GID8: variants seen among roughly 807,000 people sequenced by gnomAD.
The protein encoded by GID8 is glucose-induced degradation protein 8 homolog.
In GID8, 6 loss-of-function variants were observed where a neutral mutation model predicts 27.4. The ratio of observed to expected loss-of-function variants is 0.22; its 90% CI spans 0.12 to 0.43. GID8 has a LOEUF of 0.43. Ranked by LOEUF, GID8 falls within the 20% of genes least tolerant of loss-of-function variation. The probability of loss-of-function intolerance (pLI) is 1.00; values close to 1 mark genes in which losing one functional copy is unlikely to be tolerated. For synonymous variants in GID8, 112 were observed against 109.0 expected, an observed-to-expected ratio of 1.03 and a Z score of -0.17; for missense variants, 173 against 287.6, an observed-to-expected ratio of 0.60 and a Z score of 2.88.
rs1236106687 is a variant in GID8, at chr20:62,945,525, A to T, written c.*613A>T. ...GGGCTATGTGTTTTTTAATTTTTTA[A>T]ATATATATTTTGGTGCTGTGTGTGG... On this transcript the variant is annotated 3_prime_UTR_variant, in exon 5 of 5. Coordinates refer to ENST00000266069, the MANE Select transcript of GID8 (RefSeq NM_017896.3). 9.6e-7 allele frequency: 1 copy of T among 1,041,584 alleles called. No homozygotes were observed. Among genetic ancestry groups the T allele is most frequent in the Non-Finnish European group, 1.2e-6 (1 of 862,564 alleles). The allele number at this position is 1,041,584 out of a possible 1,614,324, so 64.5% of individuals were successfully genotyped here. A position where few individuals can be genotyped will look rare whatever the true frequency, so the allele number is the denominator to read the frequency against.
Position 62,945,933 on chromosome 20 carries a change from G to C in GID8, c.*1021G>C. On this transcript the variant is annotated 3_prime_UTR_variant, in exon 5 of 5. Coordinates refer to ENST00000266069, the MANE Select transcript of GID8 (RefSeq NM_017896.3). ...TCCTCCATCGTCAGCTGGCTCTGCC[G>C]ATGTCCTGCTTCTGTTCACTCACAG... 2 of 1,289,442 alleles carry C rather than the reference G, an allele frequency of 1.6e-6. No individual in the cohort carries two copies. Among genetic ancestry groups the C allele is most frequent in the Non-Finnish European group, 2.0e-6 (2 of 988,848 alleles). 79.9% of individuals were successfully genotyped at this position (1,289,442 alleles called of 1,614,324 possible). A position where few individuals can be genotyped will look rare whatever the true frequency, so the allele number is the denominator to read the frequency against.
rs964071520 is a variant in GID8 at position 62,944,641 on chromosome 20, G to T, written c.514-98G>T. On this transcript the variant is annotated intron_variant, in intron 4 of 4. Transcript: ENST00000266069. ...TTTCATGTCCTGAGAGTGTCTCGCA[G>T]TTAAGAGCTTAATGTTTGTTTAAAC... is the stretch of plus-strand genomic sequence containing the variant. The T allele has an allele frequency of 1.1e-5, 9 of 834,338 alleles. No homozygotes were observed. The African/African-American group carries it at 1.2e-4, about 11-fold the overall frequency. 51.7% of individuals were successfully genotyped at this position (834,338 alleles called of 1,614,324 possible).
chr20:62,945,028 T>G lies in GID8; in HGVS notation c.*116T>G. On this transcript the variant is annotated 3_prime_UTR_variant, in exon 5 of 5. Transcript: ENST00000266069. ...AGAGAACTCTTTTTCTCCCTTGTACTTTTTTTTGACCTGGCATCTTTTTAT... is the reference window on the plus strand; with the variant it reads ...AGAGAACTCTTTTTCTCCCTTGTACGTTTTTTTGACCTGGCATCTTTTTAT... 1.4e-6 allele frequency: 2 copies of G among 1,388,266 alleles called. No homozygotes were observed. 86.0% of individuals were successfully genotyped at this position (1,388,266 alleles called of 1,614,324 possible). A position where few individuals can be genotyped will look rare whatever the true frequency, so the allele number is the denominator to read the frequency against.
rs1198175968 is a variant in GID8 at position 62,947,060 on chromosome 20, T to A, written c.*2148T>A. 1.3e-5 allele frequency: 2 copies of A among 152,244 alleles called. No individual in the cohort carries two copies. Among genetic ancestry groups the A allele is most frequent in the African/African-American group, 4.8e-5 (2 of 41,466 alleles). The allele number at this position is 152,244 out of a possible 1,614,324, so 9.4% of individuals were successfully genotyped here. A position where few individuals can be genotyped will look rare whatever the true frequency, so the allele number is the denominator to read the frequency against. On this transcript the variant is annotated 3_prime_UTR_variant, in exon 5 of 5. Coordinates refer to ENST00000266069, the MANE Select transcript of GID8 (RefSeq NM_017896.3). The stretch of plus-strand genomic sequence containing the variant: ...ACTATGTGGCTGTCACGTGAAGTGC[T>A]GGTGTTGATTTCCATTTCAGCCAGT...
rs1473994899 is a variant in GID8 at position 62,941,565 on chromosome 20, C to T, written c.63C>T (p.Asn21=). The T allele has an allele frequency of 1.4e-5, 22 of 1,613,192 alleles. No homozygotes were observed. The Admixed American group carries it at 3.7e-4, about 27-fold the overall frequency. ...TKDEWMEKLN[N]LHVQRADMNR... is the part of the protein sequence containing the mutation. ...ATGAGTGGATGGAAAAGCTCAATAACTTGCATGTCCAGAGAGCAGACATGA... is the reference window on the plus strand; with the variant it reads ...ATGAGTGGATGGAAAAGCTCAATAATTTGCATGTCCAGAGAGCAGACATGA... The change falls in exon 2 of 5, where the codon AAC becomes AAT. Residue 21 remains asparagine, a synonymous_variant. Transcript: ENST00000266069.
Position 62,944,801 on chromosome 20 carries a change from G to A in GID8, c.576G>A (p.Leu192=), listed in dbSNP as rs759538073. The A allele has an allele frequency of 5.0e-6, 8 of 1,614,172 alleles. No individual in the cohort carries two copies. The South Asian group carries it at 8.8e-5, about 18-fold the overall frequency. ...AAAATCGCGAGTCAACACCCAAACT[G>A]GCAAAATTACTGAAACTACTACTTT... ...DYENRESTPK[L]AKLLKLLLWA... Residue 192 remains leucine, a synonymous_variant, in exon 5 of 5, where the codon CTG becomes CTA. Coordinates refer to ENST00000266069, the MANE Select transcript of GID8 (RefSeq NM_017896.3).
At chr20:62,938,749 G>A (rs2065420581) in intron 1 of GID8, 1 of 152,202 alleles carries the variant, frequency 6.6e-6, no homozygotes, top group African/African-American at 2.4e-5. Context: ...CAAAGTTGTT[G>A]CTTTTCATGG....
chr20:62,938,590 T>G (rs1393382868), intron 1 of GID8: 1 of 152,198 alleles, frequency 6.6e-6, no homozygotes, highest in East Asian at 1.9e-4. Context: ...AATCTGCTGC[T>G]TTAAAGCAGA....
rs921403809 is a variant in GID8, at chr20:62,945,909, C to A, written c.*997C>A. The A allele has an allele frequency of 7.8e-7, 1 of 1,289,506 alleles. No individual in the cohort carries two copies. The highest frequency in any genetic ancestry group is 1.0e-6 in the Non-Finnish European group (1 of 988,832). The allele number at this position is 1,289,506 out of a possible 1,614,324, so 79.9% of individuals were successfully genotyped here. A position where few individuals can be genotyped will look rare whatever the true frequency, so the allele number is the denominator to read the frequency against. Reference sequence around the variant, plus strand: ...CTCCAGCATCTCGGCAGCATCTCATCCTCCATCGTCAGCTGGCTCTGCCGA... The same window carrying A: ...CTCCAGCATCTCGGCAGCATCTCATACTCCATCGTCAGCTGGCTCTGCCGA... On this transcript the variant is annotated 3_prime_UTR_variant, in exon 5 of 5. Coordinates refer to ENST00000266069, the MANE Select transcript of GID8 (RefSeq NM_017896.3).
Position 62,945,115 on chromosome 20 carries a change from A to G in GID8, c.*203A>G, listed in dbSNP as rs1483269221. On this transcript the variant is annotated 3_prime_UTR_variant, in exon 5 of 5. Transcript: ENST00000266069. ...CAAGGAAAGCTGCCGTCTCTTTGGC[A>G]GTCTGATGCAGAGCCTGCACTCTGG... is the stretch of plus-strand genomic sequence containing the variant. The G allele has an allele frequency of 7.2e-7, 1 of 1,386,804 alleles. No homozygotes were observed. The highest frequency in any genetic ancestry group is 9.3e-7 in the Non-Finnish European group (1 of 1,071,260). 85.9% of individuals were successfully genotyped at this position (1,386,804 alleles called of 1,614,324 possible). A position where few individuals can be genotyped will look rare whatever the true frequency, so the allele number is the denominator to read the frequency against.
chr20:62,943,837 T>C lies in GID8; in HGVS notation c.513+145T>C, dbSNP rs921222240. ...GGATGCTAAGTGGTTCCTTCATGGC[T>C]TTTTTTTTTTTTTTTGGAGGTGAAG... is the stretch of plus-strand genomic sequence containing the variant. On this transcript the variant is annotated intron_variant, in intron 4 of 4. Transcript: ENST00000266069. The surrounding 1 kb of genome is among the most constrained non-coding windows in gnomAD (Gnocchi z 4.7). 396 of 43,454 alleles carry C rather than the reference T, an allele frequency of 9.1e-3. 1 individual carries two copies. The South Asian group carries it at 0.16, about 18-fold the overall frequency. 2.7% of individuals were successfully genotyped at this position (43,454 alleles called of 1,614,324 possible). A position where few individuals can be genotyped will look rare whatever the true frequency, so the allele number is the denominator to read the frequency against.
rs1045888823 is a variant in GID8, at chr20:62,945,072, T to C, written c.*160T>C. ...TTTTTATAGGGAAAAATGGCCTTTGTAGGCAGTGGAAAACTTGCAAGGAAA... is the reference window on the plus strand; with the variant it reads ...TTTTTATAGGGAAAAATGGCCTTTGCAGGCAGTGGAAAACTTGCAAGGAAA... On this transcript the variant is annotated 3_prime_UTR_variant, in exon 5 of 5. Transcript: ENST00000266069. 5.6e-6 allele frequency: 8 copies of C among 1,416,488 alleles called. No homozygotes were observed. In the African/African-American group the frequency reaches 1.0e-4, roughly 18 times the overall value. 87.7% of individuals were successfully genotyped at this position (1,416,488 alleles called of 1,614,324 possible).
chr20:62,939,483 C>T (rs1262124053), intron 1 of GID8, among the ~76,000 whole-genome samples: 1 of 142,870 alleles, frequency 7.0e-6, no homozygotes, highest in Non-Finnish European at 1.5e-5. Context: ...ATCTGTAATT[C>T]AGACACCTGC....
chr20:62,945,620 T>C lies in GID8; in HGVS notation c.*708T>C. 8.6e-7 allele frequency: 1 copy of C among 1,169,014 alleles called. No individual in the cohort carries two copies. The highest frequency in any genetic ancestry group is 1.1e-6 in the Non-Finnish European group (1 of 931,634). The allele number at this position is 1,169,014 out of a possible 1,614,324, so 72.4% of individuals were successfully genotyped here. A position where few individuals can be genotyped will look rare whatever the true frequency, so the allele number is the denominator to read the frequency against. ...CAGTTTTGTTGAAAATAAAGGTTTC[T>C]CTTTGATTTCAAGAATGACCAAAAT... On this transcript the variant is annotated 3_prime_UTR_variant, in exon 5 of 5. Coordinates refer to ENST00000266069, the MANE Select transcript of GID8 (RefSeq NM_017896.3).
rs1168113530 is a variant in GID8 at position 62,942,513 on chromosome 20, G to A, written c.119-474G>A. On this transcript the variant is annotated intron_variant, in intron 2 of 4. Transcript: ENST00000266069. Reference sequence around the variant, plus strand: ...GGCCTATAATTATGTCAGGGGCAGGGGAAGGGGCACACATGCTGGCTTTGA... The same window carrying A: ...GGCCTATAATTATGTCAGGGGCAGGAGAAGGGGCACACATGCTGGCTTTGA... 2.0e-5 allele frequency among the ~76,000 whole-genome samples: 3 copies of A among 152,194 alleles called. No individual in the cohort carries two copies. In the East Asian group the frequency reaches 5.8e-4, roughly 29 times the overall value.
chr20:62,944,907 A>G lies in GID8; in HGVS notation c.682A>G (p.Lys228Glu). ...CAGCAAGGGTGTGATTGAGGAGCCC[A>G]AGTAGCGCCTGCGCTTGCGTGGTGG... is the stretch of plus-strand genomic sequence containing the variant. ...DLSKGVIEEPK is the reference protein window; with the variant it reads ...DLSKGVIEEPE Residue 228 changes from lysine to glutamate, a missense_variant, in exon 5 of 5, where the codon AAG (lysine) becomes GAG (glutamate). Physicochemically the swap from Lys to Glu is moderately conservative, Grantham distance 56. Transcript: ENST00000266069. 2 of 1,611,528 alleles carry G rather than the reference A, an allele frequency of 1.2e-6. No homozygotes were observed. Among genetic ancestry groups the G allele is most frequent in the Non-Finnish European group, 1.7e-6 (2 of 1,178,574 alleles).
At chr20:62,939,195 T>A (rs2147626449) in intron 1 of GID8, among the ~76,000 whole-genome samples, 1 of 152,312 alleles carries the variant, frequency 6.6e-6, no homozygotes. Flanking sequence ...CAGTGAGTTT[T>A]GCAGTTGACA....
rs1282275433 is a variant in GID8 at position 62,948,297 on chromosome 20, T to C, written c.*3385T>C. 1 of 152,236 alleles carries C rather than the reference T, an allele frequency of 6.6e-6. No individual in the cohort carries two copies. Among genetic ancestry groups the C allele is most frequent in the African/African-American group, 2.4e-5 (1 of 41,468 alleles). 9.4% of individuals were successfully genotyped at this position (152,236 alleles called of 1,614,324 possible). On this transcript the variant is annotated 3_prime_UTR_variant, in exon 5 of 5. Coordinates refer to ENST00000266069, the MANE Select transcript of GID8 (RefSeq NM_017896.3). ...TTGCAAATTGTATTGTCAACATGGG[T>C]CATTTAAAGTCCTGTATGAACCATA...
rs1001570055 is a variant in GID8 at position 62,947,727 on chromosome 20, C to T, written c.*2815C>T. 2.6e-5 allele frequency: 4 copies of T among 152,250 alleles called. No individual in the cohort carries two copies. The highest frequency in any genetic ancestry group is 6.5e-5 in the Admixed American group (1 of 15,278). 9.4% of individuals were successfully genotyped at this position (152,250 alleles called of 1,614,324 possible). Reference sequence around the variant, plus strand: ...AGTCTCCATGGCACATGACTGAAGACTGGTGGTCGTGTGTGTGCGGAGTCC... The same window carrying T: ...AGTCTCCATGGCACATGACTGAAGATTGGTGGTCGTGTGTGTGCGGAGTCC... On this transcript the variant is annotated 3_prime_UTR_variant, in exon 5 of 5. Transcript: ENST00000266069.
Sources: allele counts gnomAD v4.1 joint callset (sites outside exome capture counted in the v4.1 genomes callset), GRCh38; gene constraint gnomAD v4.1.1; non-coding constraint Gnocchi (gnomAD v3.1); transcripts MANE v1.5; gene names NCBI Gene and HGNC (gene_info 2026-07-23, HGNC 2026-07-21).